Variants in SNX6 observed in about 807,000 individuals in gnomAD.
SNX6 encodes sorting nexin 6.
In SNX6, 34 loss-of-function variants were observed where a neutral mutation model predicts 63.0. The ratio of observed to expected loss-of-function variants is 0.54; its 90% CI spans 0.41 to 0.72. The LOEUF is 0.72. Ranked by LOEUF, SNX6 falls within the 30% of genes least tolerant of loss-of-function variation. SNX6 has a pLI of 0.00. For missense variants in SNX6, 398 were observed against 471.4 expected, an observed-to-expected ratio of 0.84 and a Z score of 1.44; for synonymous variants, 170 against 164.2, an observed-to-expected ratio of 1.04 and a Z score of -0.27.
intron 6 of SNX6, among the ~76,000 whole-genome samples, chr14:34,602,167 T>A (rs2138340613): frequency 6.6e-6 from 1 of 151,936 alleles, no homozygotes; most frequent in Admixed American, 6.6e-5. Context: ...GGCTCATGCA[T>A]GTAATCCCAG....
At chr14:34,573,916 C>T (rs975616454) in intron 11 of SNX6, among the ~76,000 whole-genome samples, 2 of 151,612 alleles carry the variant, frequency 1.3e-5, no homozygotes, top group African/African-American at 4.8e-5. Context: ...GCTGGGATTA[C>T]AGGCATGAGC....
chr14:34,597,655 A>T lies in SNX6; in HGVS notation c.517-10T>A. The T allele has an allele frequency of 1.3e-6, 2 of 1,496,832 alleles. No homozygotes were observed. The highest frequency in any genetic ancestry group is 1.8e-6 in the Non-Finnish European group (2 of 1,083,292). 92.7% of individuals were successfully genotyped at this position (1,496,832 alleles called of 1,614,324 possible). ...TTCCTCGCACACTCAACTGAAAGAA[A>T]GGTAATTTAACATTTTTAAGGTTAC... is the stretch of plus-strand genomic sequence containing the variant. On this transcript the variant is annotated splice_polypyrimidine_tract_variant and intron_variant, in intron 6 of 13. Transcript: ENST00000362031.
intron 10 of SNX6, among the ~76,000 whole-genome samples, chr14:34,579,434 T>C (rs969166468): frequency 3.3e-5 from 5 of 152,048 alleles, no homozygotes; most frequent in African/African-American, 1.2e-4. Flanking sequence ...CTGAGCAATG[T>C]AGTGAGACTC....
intron 2 of SNX6, among the ~76,000 whole-genome samples, chr14:34,628,225 C>T (rs1381647277): frequency 4.0e-5 from 6 of 151,528 alleles, no homozygotes; most frequent in East Asian, 2.0e-4. Context: ...TTTGGGAGGC[C>T]GGGGTGGGTA....
At chr14:34,615,849 C>T (rs767697324) in intron 2 of SNX6, among the ~76,000 whole-genome samples, 11 of 152,194 alleles carry the variant, frequency 7.2e-5, no homozygotes, top group Admixed American at 6.5e-5. Flanking sequence ...AAAATAAAAT[C>T]ACCCCCCACC....
intron 3 of SNX6, among the ~76,000 whole-genome samples, chr14:34,608,950 C>T (rs1566487081): frequency 6.6e-6 from 1 of 151,954 alleles, no homozygotes; most frequent in Non-Finnish European, 1.5e-5. Context: ...ACTGCTTGAA[C>T]CCAGGAGGCA....
chr14:34,629,824 A>T, intron 2 of SNX6, 83 bp downstream of exon 2: 1 of 1,535,674 alleles, frequency 6.5e-7, no homozygotes, highest in Non-Finnish European at 8.8e-7. Context: ...GCGGCTGGGG[A>T]CCCATCCCCG....
Position 34,567,759 on chromosome 14 carries a change from A to C in SNX6, c.1094T>G (p.Phe365Cys), listed in dbSNP as rs770851145. The C allele has an allele frequency of 3.7e-6, 6 of 1,613,684 alleles. No homozygotes were observed. The Admixed American group carries it at 8.3e-5, about 22-fold the overall frequency. ...GAATGCAGCAACTCTTCTTGTCTTAAAATCTATAAGTTCTGTGAAAAAGAA... is the reference window on the plus strand; with the variant it reads ...GAATGCAGCAACTCTTCTTGTCTTACAATCTATAAGTTCTGTGAAAAAGAA... ...SESAKQELID[F>C]KTRRVAAFRK... Residue 365 changes from phenylalanine to cysteine, a missense_variant, in exon 13 of 14, where the codon TTT becomes TGT. Physicochemically the swap from Phe to Cys is radical, Grantham distance 205 (BLOSUM62 -2). Transcript: ENST00000362031.
At chr14:34,621,742 T>G (rs1449555881) in intron 2 of SNX6, among the ~76,000 whole-genome samples, 2 of 152,166 alleles carry the variant, frequency 1.3e-5, no homozygotes, top group Non-Finnish European at 2.9e-5. Context: ...ATTCAGTCAC[T>G]ATGTCCTGTC....
intron 2 of SNX6, among the ~76,000 whole-genome samples, chr14:34,614,227 G>A (rs1426132063): frequency 6.6e-6 from 1 of 151,930 alleles, no homozygotes; most frequent in African/African-American, 2.4e-5. Flanking sequence ...AGGAGTTCAA[G>A]ACCAATCTAG....
intron 2 of SNX6, among the ~76,000 whole-genome samples, chr14:34,613,201 T>C (rs1368849695): frequency 6.6e-6 from 1 of 152,184 alleles, no homozygotes; most frequent in Non-Finnish European, 1.5e-5. Flanking sequence ...AGGGAATTCT[T>C]CCCTAGAGCC....
intron 10 of SNX6, 61 bp from the exon 11 acceptor site, chr14:34,575,903 C>A (rs1881676596): frequency 2.0e-6 from 2 of 998,796 alleles, no homozygotes; most frequent in South Asian, 2.9e-5. Context: ...TCAGTGGTTT[C>A]CTTCTTTTTG....
At chr14:34,599,918 T>C (rs1384729040) in intron 6 of SNX6, among the ~76,000 whole-genome samples, 1 of 152,156 alleles carries the variant, frequency 6.6e-6, no homozygotes, top group East Asian at 1.9e-4. Flanking sequence ...TTTTTATAAC[T>C]TCTTCCTTTC....
Position 34,605,634 on chromosome 14 carries a change from C to T in SNX6, c.354G>A (p.Thr118=), listed in dbSNP as rs776788426. ...QKLGEGEGSM[T]KEEFTKMKQE... ...GTTTCATCTTTGTGAATTCTTCCTT[C>T]GTCATTGACCCTTCTCCTTCACCAA... Residue 118 remains threonine (T), a synonymous_variant, in exon 5 of 14, where the codon ACG becomes ACA. Coordinates refer to ENST00000362031, the MANE Select transcript of SNX6 (RefSeq NM_152233.4). 6.9e-6 allele frequency: 11 copies of T among 1,602,730 alleles called. No individual in the cohort carries two copies. Among genetic ancestry groups the T allele is most frequent in the Middle Eastern group, 3.3e-4 (2 of 6,036 alleles).
At chr14:34,605,097 A>G (rs1882963258) in intron 5 of SNX6, among the ~76,000 whole-genome samples, 1 of 152,200 alleles carries the variant, frequency 6.6e-6, no homozygotes, top group African/African-American at 2.4e-5. Flanking sequence ...TTCACACTAC[A>G]TACATACGCA....
intron 9 of SNX6, among the ~76,000 whole-genome samples, chr14:34,584,126 T>A (rs1214571132): frequency 2.0e-5 from 3 of 151,992 alleles, no homozygotes; most frequent in African/African-American, 7.2e-5. Flanking sequence ...GGATTACAGG[T>A]GTGAGCCACT....
chr14:34,603,733 C>A (rs1218201355), intron 5 of SNX6, among the ~76,000 whole-genome samples: 1 of 151,896 alleles, frequency 6.6e-6, no homozygotes. Context: ...CTTACTTATG[C>A]GAGTTGATGT....
At chr14:34,622,738 G>A (rs1284866374) in intron 2 of SNX6, among the ~76,000 whole-genome samples, 1 of 152,136 alleles carries the variant, frequency 6.6e-6, no homozygotes, top group Non-Finnish European at 1.5e-5. Context: ...CTCCCTGTTG[G>A]AAAGCAGACC....
chr14:34,620,529 AC>A (rs1883582764), intron 2 of SNX6, among the ~76,000 whole-genome samples: 2 of 152,032 alleles, frequency 1.3e-5, no homozygotes, highest in East Asian at 3.9e-4. Context: ...TAATTTCCAA[AC>A]CAATGATATT....
Sources: allele counts gnomAD v4.1 joint callset (sites outside exome capture counted in the v4.1 genomes callset), GRCh38; gene constraint gnomAD v4.1.1; transcripts MANE v1.5; gene names NCBI Gene and HGNC (gene_info 2026-07-23, HGNC 2026-07-21).